GLB1L3: variants seen among roughly 807,000 people sequenced by gnomAD.
GLB1L3 encodes galactosidase beta 1 like 3.
A neutral mutation model predicts 89.5 loss-of-function variants in GLB1L3; 89 were observed. The observed-to-expected ratio is 0.99, with a 90% CI of 0.84 to 1.19. The LOEUF (loss-of-function observed/expected upper bound fraction) is 1.19, where lower values mean the gene tolerates loss of function less well. Among genes scored for constraint, GLB1L3 ranks in the 50% most tolerant of loss-of-function variants. The pLI, the probability that GLB1L3 is intolerant of heterozygous loss-of-function variation, is 0.00. For missense variants in GLB1L3, 812 were observed against 813.3 expected, an observed-to-expected ratio of 1.00 and a Z score of 0.02; for synonymous variants, 314 against 312.3, an observed-to-expected ratio of 1.01 and a Z score of -0.06.
intron 10 of GLB1L3, among the ~76,000 whole-genome samples, chr11:134,308,178 CCAT>C (rs1224637793): frequency 1.1e-4 from 13 of 115,130 alleles, no homozygotes; most frequent in African/African-American, 4.4e-4. Context: ...AGCACCACCA[CCAT>C]CACCATCATC....
downstream of GLB1L3, among the ~76,000 whole-genome samples, chr11:134,320,583 C>T (rs1442860690): frequency 1.3e-5 from 2 of 152,198 alleles, no homozygotes; most frequent in Non-Finnish European, 2.9e-5. Flanking sequence ...GGCACCTCCT[C>T]TTTCGCTACT....
chr11:134,314,423 C>T lies in GLB1L3; in HGVS notation c.1761C>T (p.Asp587=). The T allele has an allele frequency of 6.4e-7, 1 of 1,550,778 alleles. No homozygotes were observed. Among genetic ancestry groups the T allele is most frequent in the Non-Finnish European group, 8.7e-7 (1 of 1,146,116 alleles). The part of the protein sequence containing the change: ...GTLKAGPSPK[D]TFLSLLNWNY... ...TGAAGGCTGGCCCTTCTCCCAAGGACACCTTCCTGAGCCTGCTGGTAGGTG... is the reference window on the plus strand; with the variant it reads ...TGAAGGCTGGCCCTTCTCCCAAGGATACCTTCCTGAGCCTGCTGGTAGGTG... The change falls in exon 18 of 20, where the codon GAC becomes GAT. Residue 587 remains aspartate, a synonymous_variant. Coordinates refer to ENST00000431683, the MANE Select transcript of GLB1L3 (RefSeq NM_001080407.3).
intron 9 of GLB1L3, among the ~76,000 whole-genome samples, chr11:134,305,471 T>G (rs1942160147): frequency 6.6e-6 from 1 of 152,214 alleles, no homozygotes; most frequent in South Asian, 2.1e-4. Flanking sequence ...CAGATGACTC[T>G]TAGCTTCACA....
intron 7 of GLB1L3, among the ~76,000 whole-genome samples, chr11:134,290,868 T>G (rs1224553050): frequency 2.0e-5 from 3 of 152,134 alleles, no homozygotes; most frequent in African/African-American, 4.8e-5. Flanking sequence ...TTCCCTGGTC[T>G]TCTTCCTCTT....
chr11:134,305,306 G>A, intron 9 of GLB1L3: 1 of 581,280 alleles, frequency 1.7e-6, no homozygotes. Context: ...GGTTGGTATT[G>A]CACTATAGAG....
intron 9 of GLB1L3, among the ~76,000 whole-genome samples, chr11:134,303,013 G>T (rs1002873522): frequency 1.4e-4 from 22 of 152,172 alleles, no homozygotes; most frequent in African/African-American, 4.8e-4. Context: ...AAGTTTGCTT[G>T]ATGTATTTTG....
chr11:134,287,519 C>T (rs976774494), intron 6 of GLB1L3, among the ~76,000 whole-genome samples: 1 of 152,222 alleles, frequency 6.6e-6, no homozygotes, highest in African/African-American at 2.4e-5. Context: ...TTTCACAAGG[C>T]CGACTGGAAA....
At position 134,310,518 on chromosome 11, in the gene GLB1L3, CAG is replaced by C; in HGVS notation, c.1100-52_1100-51del. On this transcript the variant is annotated intron_variant, in intron 11 of 19. Coordinates refer to ENST00000431683, the MANE Select transcript of GLB1L3 (RefSeq NM_001080407.3). ...CCATCTCCTGCCAGCGGTGCTGAAA[CAG>C]GGCCTCCTGCAGAGACTGCATGGCT... The C allele has an allele frequency of 5.6e-6, 8 of 1,420,052 alleles. 1 individual carries two copies. Among genetic ancestry groups the C allele is most frequent in the South Asian group, 1.2e-5 (1 of 83,982 alleles). 88.0% of individuals were successfully genotyped at this position (1,420,052 alleles called of 1,614,324 possible). A position where few individuals can be genotyped will look rare whatever the true frequency, so the allele number is the denominator to read the frequency against.
chr11:134,302,238 G>A (rs1385246699), intron 9 of GLB1L3, among the ~76,000 whole-genome samples: 1 of 152,308 alleles, frequency 6.6e-6, no homozygotes, highest in East Asian at 1.9e-4. Flanking sequence ...AATACAAGCT[G>A]TGCTTACTAT....
At chr11:134,286,967 T>C (rs921806910) in intron 6 of GLB1L3, 1 of 150,332 alleles carries the variant, frequency 6.7e-6, no homozygotes, top group Non-Finnish European at 1.5e-5. Context: ...AAGACCATCC[T>C]GGCTAACACG....
chr11:134,319,244 A>G lies in GLB1L3; in HGVS notation c.*302A>G, dbSNP rs1254746379. ...ACTGGGATTACAGGCGTGAGCCACCACTCCCGGCCGTGAACATATTTTTTG... is the reference window on the plus strand; with the variant it reads ...ACTGGGATTACAGGCGTGAGCCACCGCTCCCGGCCGTGAACATATTTTTTG... On this transcript the variant is annotated 3_prime_UTR_variant, in exon 20 of 20. Transcript: ENST00000431683. The G allele has an allele frequency of 7.8e-6, 2 of 255,864 alleles. No individual in the cohort carries two copies. Among genetic ancestry groups the G allele is most frequent in the South Asian group, 9.3e-5 (1 of 10,768 alleles). The allele number at this position is 255,864 out of a possible 1,614,324, so 15.8% of individuals were successfully genotyped here. A position where few individuals can be genotyped will look rare whatever the true frequency, so the allele number is the denominator to read the frequency against.
At chr11:134,313,621 C>A (rs1459342155) in intron 16 of GLB1L3, 147 bp downstream of exon 16, 2 of 724,366 alleles carry the variant, frequency 2.8e-6, no homozygotes, top group Non-Finnish European at 4.7e-6. Context: ...AAATCGGCCC[C>A]TCGCCCTTGT....
downstream of GLB1L3, among the ~76,000 whole-genome samples, chr11:134,320,659 T>A (rs1297357695): frequency 6.6e-6 from 1 of 151,772 alleles, no homozygotes; most frequent in African/African-American, 2.4e-5. Context: ...TCAGAAGATA[T>A]AATGCTTTCA....
At chr11:134,309,564 C>G in intron 10 of GLB1L3, 62 bp from the exon 11 acceptor site, 2 of 1,372,524 alleles carry the variant, frequency 1.5e-6, no homozygotes, top group Non-Finnish European at 2.0e-6. Context: ...AAGAGTTTGC[C>G]AGAGGCTTCT....
chr11:134,276,988 C>G (rs990919736), intron 1 of GLB1L3, among the ~76,000 whole-genome samples: 3 of 152,236 alleles, frequency 2.0e-5, no homozygotes, highest in African/African-American at 4.8e-5. Flanking sequence ...GTGGGGCACG[C>G]AGGCCAGGGG....
Position 134,276,679 on chromosome 11 carries a change from G to A in GLB1L3, c.-62G>A. On this transcript the variant is annotated 5_prime_UTR_variant, in exon 1 of 20. Transcript: ENST00000431683. ...GCTCGAGTCCCGGCCCGAGCGCGGC[G>A]TCGGGGCCAGCGGAGAGGGGCGGAA... 1 of 1,365,396 alleles carries A rather than the reference G, an allele frequency of 7.3e-7. No homozygotes were observed. Among genetic ancestry groups the A allele is most frequent in the East Asian group, 3.1e-5 (1 of 31,782 alleles). The allele number at this position is 1,365,396 out of a possible 1,614,324, so 84.6% of individuals were successfully genotyped here.
In GLB1L3 at chr11:134,312,342, C is replaced by G; in HGVS notation, c.1288-7C>G. Reference sequence around the variant, plus strand: ...TGGACTTCTGCTCTTGCCATTTCTCCTCATAGCCAGTCAGGTCGCGTCAGC... The same window carrying G: ...TGGACTTCTGCTCTTGCCATTTCTCGTCATAGCCAGTCAGGTCGCGTCAGC... On this transcript the variant is annotated splice_region_variant and splice_polypyrimidine_tract_variant and intron_variant, in intron 13 of 19. Transcript: ENST00000431683. 1 of 1,613,108 alleles carries G rather than the reference C, an allele frequency of 6.2e-7. No homozygotes were observed. The highest frequency in any genetic ancestry group is 8.5e-7 in the Non-Finnish European group (1 of 1,179,710).
intron 10 of GLB1L3, among the ~76,000 whole-genome samples, chr11:134,308,583 CCAT>C (rs1942528939): frequency 5.5e-5 from 8 of 145,676 alleles, no homozygotes; most frequent in African/African-American, 5.1e-5. Context: ...ATCACCATCA[CCAT>C]CATCACCATC....
Position 134,318,691 on chromosome 11 carries a change from G to C in GLB1L3, c.1840G>C (p.Gly614Arg). 6.2e-7 allele frequency: 1 copy of C among 1,613,052 alleles called. No homozygotes were observed. Among genetic ancestry groups the C allele is most frequent in the South Asian group, 1.1e-5 (1 of 90,846 alleles). The change falls in exon 19 of 20, where the codon GGG (glycine) becomes CGG (arginine). Residue 614 changes from glycine to arginine, a missense_variant. By Grantham distance (125) the Gly-to-Arg change is moderately radical. Coordinates refer to ENST00000431683, the MANE Select transcript of GLB1L3 (RefSeq NM_001080407.3). ...GRNLGRYWNI[G>R]PQKTLYLPGV... The stretch of plus-strand genomic sequence containing the variant: ...TAACCTTGGGCGATATTGGAATATT[G>C]GGCCTCAGAAAACACTGTACCTTCC...
Sources: gnomAD v4.1 joint callset for allele counts (sites outside exome capture counted in the v4.1 genomes callset) on GRCh38, gnomAD v4.1.1 for gene constraint, MANE v1.5 for transcripts, NCBI Gene and HGNC (gene_info 2026-07-23, HGNC 2026-07-21) for gene names.